Variants in DIP2C observed in about 807,000 individuals in gnomAD.
DIP2C encodes DIP2 acetate--CoA ligase C (putative).
A neutral mutation model predicts 192.4 loss-of-function variants in DIP2C; 33 were observed. The observed-to-expected ratio is 0.17, with a 90% CI of 0.13 to 0.23. The LOEUF (loss-of-function observed/expected upper bound fraction) is 0.23. DIP2C is among the 10% of genes least tolerant of loss of function. The pLI is 1.00. For missense variants in DIP2C, 1,537 were observed against 2,110.1 expected (o/e 0.73, Z 5.32); for synonymous variants, 979 against 864.1 (o/e 1.13, Z -2.33).
At chr10:458,839 G>A (rs940208708) in intron 3 of DIP2C, among the ~76,000 whole-genome samples, 6 of 152,202 alleles carry the variant, frequency 3.9e-5, no homozygotes, top group Admixed American at 6.5e-5. Flanking sequence ...GCACAGCAGA[G>A]TGCTCGGAAC....
At chr10:282,894 C>A (rs994031637) in intron 35 of DIP2C, among the ~76,000 whole-genome samples, 1 of 152,256 alleles carries the variant, frequency 6.6e-6, no homozygotes, top group Non-Finnish European at 1.5e-5. Context: ...ACTGGGACAG[C>A]TTCTGTCTCA....
chr10:526,346 C>T (rs1847049036), intron 1 of DIP2C, among the ~76,000 whole-genome samples: 3 of 152,146 alleles, frequency 2.0e-5, no homozygotes, highest in Admixed American at 2.0e-4. Context: ...GTGTGTTTAG[C>T]ATATAAATGT....
At chr10:426,327 C>T (rs574844983) in intron 4 of DIP2C, among the ~76,000 whole-genome samples, 22 of 152,082 alleles carry the variant, frequency 1.4e-4, no homozygotes, top group African/African-American at 5.1e-4. Context: ...TAAAACATTA[C>T]TGAAATTAAA....
chr10:492,123 G>T (rs1480922013), intron 1 of DIP2C, among the ~76,000 whole-genome samples: 1 of 152,226 alleles, frequency 6.6e-6, no homozygotes, highest in African/African-American at 2.4e-5. Context: ...AGGGACCCCA[G>T]ACGCCGCGGG....
intron 1 of DIP2C, among the ~76,000 whole-genome samples, chr10:657,999 GGACCTGACC>G (rs1468614403): frequency 6.6e-5 from 10 of 150,918 alleles, no homozygotes; most frequent in African/African-American, 2.2e-4. Flanking sequence ...ACCTGCCACT[GGACCTGACC>G]CTGGACCTGC....
In DIP2C at chr10:383,548, C is replaced by T. The variant is rs562888128; in HGVS notation, c.1876+479G>A. 5.9e-5 allele frequency among the ~76,000 whole-genome samples: 9 copies of T among 152,248 alleles called. No individual in the cohort carries two copies. In the South Asian group the frequency reaches 6.2e-4, roughly 11 times the overall value. Reference sequence around the variant, plus strand: ...GTATTTTTGTTACAGGATGTGATAACGCAATTACATTTAAAACGACAAATT... The same window carrying T: ...GTATTTTTGTTACAGGATGTGATAATGCAATTACATTTAAAACGACAAATT... On this transcript the variant is annotated intron_variant, in intron 16 of 36. Coordinates refer to ENST00000280886, the MANE Select transcript of DIP2C (RefSeq NM_014974.3).
At chr10:326,202 A>G (rs1307465425) in intron 31 of DIP2C, among the ~76,000 whole-genome samples, 6 of 152,148 alleles carry the variant, frequency 3.9e-5, no homozygotes, top group South Asian at 2.1e-4. Flanking sequence ...AAAAAGTAAA[A>G]GAAAAATCAA....
At chr10:419,392 C>T (rs772030661) in intron 5 of DIP2C, among the ~76,000 whole-genome samples, 193 bp from the exon 6 acceptor site, 7 of 152,212 alleles carry the variant, frequency 4.6e-5, no homozygotes, top group Non-Finnish European at 8.8e-5. Flanking sequence ...ACTCATGTTG[C>T]CGCAAATGGA....
chr10:428,408 G>C (rs1966735567), intron 4 of DIP2C, among the ~76,000 whole-genome samples: 1 of 152,130 alleles, frequency 6.6e-6, no homozygotes, highest in Admixed American at 6.5e-5. Flanking sequence ...TTATAAAGGA[G>C]ATTTTCACCG....
At chr10:476,328 A>G (rs1843028735) in intron 2 of DIP2C, among the ~76,000 whole-genome samples, 2 of 152,206 alleles carry the variant, frequency 1.3e-5, no homozygotes, top group Non-Finnish European at 2.9e-5. Context: ...GGGAGATCCC[A>G]TGCCTGCGGT....
chr10:531,256 G>C (rs187022109), intron 1 of DIP2C, among the ~76,000 whole-genome samples: 2 of 151,880 alleles, frequency 1.3e-5, no homozygotes, highest in Non-Finnish European at 2.9e-5. Flanking sequence ...CACACACAGC[G>C]AACAAACCCC....
chr10:460,161 G>T (rs1178523166), intron 3 of DIP2C, among the ~76,000 whole-genome samples: 1 of 152,186 alleles, frequency 6.6e-6, no homozygotes, highest in Non-Finnish European at 1.5e-5. Flanking sequence ...ATGAGCTCTA[G>T]GATCTTCCTC....
At chr10:615,937 G>T (rs1043313319) in intron 1 of DIP2C, among the ~76,000 whole-genome samples, 3 of 152,182 alleles carry the variant, frequency 2.0e-5, no homozygotes, top group African/African-American at 4.8e-5. Context: ...AGGCTCCACA[G>T]ATACAGCCCG....
intron 2 of DIP2C, among the ~76,000 whole-genome samples, chr10:476,695 T>G (rs1843058771): frequency 6.6e-6 from 1 of 152,184 alleles, no homozygotes; most frequent in Admixed American, 6.6e-5. Flanking sequence ...GAGGCTGTCA[T>G]TCTCCTGGTA....
chr10:385,750 G>A (rs1962839617), intron 14 of DIP2C, among the ~76,000 whole-genome samples: 1 of 152,226 alleles, frequency 6.6e-6, no homozygotes. Flanking sequence ...CCACCTGGCA[G>A]GCTGTGTGGC....
intron 1 of DIP2C, among the ~76,000 whole-genome samples, chr10:654,495 A>G (rs1168316728): frequency 2.0e-5 from 3 of 152,216 alleles, no homozygotes; most frequent in Non-Finnish European, 4.4e-5. Flanking sequence ...TCATCAGTGT[A>G]TTCACAACAG....
chr10:681,433 G>T (rs1031632494), intron 1 of DIP2C, among the ~76,000 whole-genome samples: 8 of 150,074 alleles, frequency 5.3e-5, no homozygotes, highest in Non-Finnish European at 1.0e-4. Flanking sequence ...CAGTCACATG[G>T]TGCAGCCACC....
At chr10:369,969 T>G (rs1343553927) in intron 17 of DIP2C, 2 of 985,232 alleles carry the variant, frequency 2.0e-6, no homozygotes, top group Non-Finnish European at 2.4e-6. Context: ...ACCAGCTCTC[T>G]CTTTCCTCCC....
chr10:354,500 G>A (rs767492107), intron 24 of DIP2C, among the ~76,000 whole-genome samples: 11 of 152,142 alleles, frequency 7.2e-5, no homozygotes, highest in Non-Finnish European at 1.3e-4. Context: ...GCCCATGAAC[G>A]TACCCAAATC....
Sources: allele counts gnomAD v4.1 joint callset (sites outside exome capture counted in the v4.1 genomes callset), GRCh38; gene constraint gnomAD v4.1.1; transcripts MANE v1.5; gene names NCBI Gene and HGNC (gene_info 2026-07-23, HGNC 2026-07-21).